NCOR1: variants seen among roughly 807,000 people sequenced by gnomAD.
The protein encoded by NCOR1 is nuclear receptor corepressor 1, also known as protein phosphatase 1, regulatory subunit 109.
A neutral mutation model predicts 288.1 loss-of-function variants in NCOR1; 63 were observed. The ratio of observed to expected loss-of-function variants is 0.22; its 90% CI spans 0.18 to 0.27. NCOR1 has a LOEUF of 0.27. Among genes scored for constraint, NCOR1 ranks in the 10% least tolerant of loss-of-function variants. The pLI, the probability that NCOR1 is intolerant of heterozygous loss-of-function variation, is 1.00. For missense variants in NCOR1, 2,397 were observed against 3,019.2 expected, an observed-to-expected ratio of 0.79 and a Z score of 4.83; for synonymous variants, 1,007 against 1,065.9, an observed-to-expected ratio of 0.94 and a Z score of 1.08.
intron 18 of NCOR1, among the ~76,000 whole-genome samples, chr17:16,111,790 C>T (rs1332068751): frequency 2.6e-5 from 4 of 152,118 alleles, no homozygotes; most frequent in Non-Finnish European, 5.9e-5. Context: ...ATCTTTCTTT[C>T]TATATATATG....
intron 21 of NCOR1, among the ~76,000 whole-genome samples, chr17:16,094,646 G>A (rs967815019): frequency 1.3e-5 from 2 of 152,040 alleles, no homozygotes; most frequent in African/African-American, 4.8e-5. Context: ...TGCCATCTCG[G>A]CTCACTGCAA....
At chr17:16,179,742 G>A (rs1186983128) in intron 3 of NCOR1, among the ~76,000 whole-genome samples, 1 of 152,102 alleles carries the variant, frequency 6.6e-6, no homozygotes, top group Non-Finnish European at 1.5e-5. Flanking sequence ...AAGGCCGGGC[G>A]TGGTGGCTCA....
At chr17:16,043,474 T>TA (rs1319021013) in intron 42 of NCOR1, among the ~76,000 whole-genome samples, 1 of 152,236 alleles carries the variant, frequency 6.6e-6, no homozygotes, top group African/African-American at 2.4e-5. Context: ...TATCTCCTGT[T>TA]AAAGTTAGGT....
chr17:16,076,204 ATTAC>A (rs1418310057), intron 26 of NCOR1, among the ~76,000 whole-genome samples: 1 of 152,190 alleles, frequency 6.6e-6, no homozygotes, highest in Non-Finnish European at 1.5e-5. Context: ...TTAATGACTT[ATTAC>A]TTGGTGTTTT....
In NCOR1 at chr17:16,039,645, C is replaced by T. The variant is rs2057164347; in HGVS notation, c.6743G>A (p.Ser2248Asn). Residue 2248 changes from serine to asparagine, a missense_variant, in exon 44 of 46, where the codon AGC (serine) becomes AAC (asparagine). By Grantham distance (46) the Ser-to-Asn change is conservative. This residue lies in a region of NCOR1 where 1,872 missense variants were observed against 2,187.8 expected (regional missense o/e 0.86). Coordinates refer to ENST00000268712, the MANE Select transcript of NCOR1 (RefSeq NM_006311.4). ...LPAVTTSGSV[S>N]SRGHSFADPA... Reference sequence around the variant, plus strand: ...ATCAGCAAAAGAATGGCCTCTAGAGCTAACTGAGCCTGAAAGAGAATCAAA... The same window carrying T: ...ATCAGCAAAAGAATGGCCTCTAGAGTTAACTGAGCCTGAAAGAGAATCAAA... The T allele has an allele frequency of 6.2e-7, 1 of 1,613,510 alleles. No homozygotes were observed.
At chr17:16,081,248 C>G (rs1404940814) in intron 23 of NCOR1, among the ~76,000 whole-genome samples, 2 of 141,300 alleles carry the variant, frequency 1.4e-5, no homozygotes, top group African/African-American at 5.2e-5. Flanking sequence ...TGCTCTATCA[C>G]CCAGGCTGGA....
At chr17:16,101,946 G>GTGGAAC in intron 19 of NCOR1, 189 bp from the exon 20 acceptor site, 1 of 713,906 alleles carries the variant, frequency 1.4e-6, no homozygotes. Flanking sequence ...CATTGAGAAG[G>GTGGAAC]CTAAAGTTTC....
At chr17:16,208,975 C>G (rs1396142890) in intron 1 of NCOR1, among the ~76,000 whole-genome samples, 2 of 152,110 alleles carry the variant, frequency 1.3e-5, no homozygotes, top group African/African-American at 4.8e-5. Flanking sequence ...TATCAGAGAT[C>G]TTCTACAGCA....
chr17:16,044,348 G>T (rs1372050840), intron 42 of NCOR1: 24 of 465,078 alleles, frequency 5.2e-5, no homozygotes, highest in East Asian at 2.8e-4. Flanking sequence ...TTTCCTTGGT[G>T]TTCAACATTT....
chr17:16,191,382 T>C (rs1220517696), intron 2 of NCOR1, among the ~76,000 whole-genome samples: 1 of 152,054 alleles, frequency 6.6e-6, no homozygotes, highest in Non-Finnish European at 1.5e-5. Flanking sequence ...TAACTTAATT[T>C]CCTACCAGAA....
chr17:16,182,732 G>A (rs2085749962), intron 3 of NCOR1, among the ~76,000 whole-genome samples: 1 of 152,186 alleles, frequency 6.6e-6, no homozygotes. Context: ...GATTACAGGT[G>A]TGAGCCACAG....
chr17:16,189,567 T>A (rs930387381), intron 2 of NCOR1, among the ~76,000 whole-genome samples: 5 of 151,954 alleles, frequency 3.3e-5, no homozygotes, highest in Admixed American at 6.5e-5. Flanking sequence ...GGAAAAAAGT[T>A]AAAAATGGGA....
At chr17:16,210,287 C>T (rs1270987982) in intron 1 of NCOR1, among the ~76,000 whole-genome samples, 2 of 151,536 alleles carry the variant, frequency 1.3e-5, no homozygotes, top group Non-Finnish European at 2.9e-5. Context: ...GGGAGGCTGA[C>T]GCAGGAGAAT....
chr17:16,205,150 G>A (rs178801), intron 1 of NCOR1, among the ~76,000 whole-genome samples: 63,361 of 151,592 alleles, frequency 0.42, 15,087 homozygotes, highest in Middle Eastern at 0.55. Context: ...AACCCAGGAG[G>A]CAGAGATTGA....
At chr17:16,157,989 T>G (rs1280005715) in intron 6 of NCOR1, among the ~76,000 whole-genome samples, 1 of 152,172 alleles carries the variant, frequency 6.6e-6, no homozygotes, top group Non-Finnish European at 1.5e-5. Context: ...TTTTTTTTTT[T>G]TGAGACTTGA....
chr17:16,166,014 T>C (rs1248411232), intron 4 of NCOR1, among the ~76,000 whole-genome samples: 6 of 152,184 alleles, frequency 3.9e-5, no homozygotes. Context: ...GAAAAGTCAA[T>C]AGTTCTGAGT....
intron 23 of NCOR1, among the ~76,000 whole-genome samples, chr17:16,082,560 A>T (rs913353540): frequency 6.0e-5 from 9 of 150,118 alleles, no homozygotes; most frequent in Non-Finnish European, 1.3e-4. Flanking sequence ...TATAAAAAAT[A>T]AAAAAAAAAT....
intron 12 of NCOR1, 52 bp from the exon 13 acceptor site, chr17:16,138,264 T>TAA (rs750309864): frequency 2.7e-3 from 3,024 of 1,138,238 alleles, no homozygotes; most frequent in Non-Finnish European, 2.8e-3. Flanking sequence ...TTTCAACAAC[T>TAA]AAAAAAAAAA....
intron 32 of NCOR1, among the ~76,000 whole-genome samples, chr17:16,067,303 T>G (rs893133286): frequency 6.6e-6 from 1 of 152,228 alleles, no homozygotes; most frequent in Non-Finnish European, 1.5e-5. Context: ...CAAGGAAGAA[T>G]GAAGAGTGGT....
Sources: allele counts gnomAD v4.1 joint callset (sites outside exome capture counted in the v4.1 genomes callset), GRCh38; gene constraint gnomAD v4.1.1; regional missense constraint gnomAD v4.1.1; transcripts MANE v1.5; gene names NCBI Gene and HGNC (gene_info 2026-07-23, HGNC 2026-07-21).